Variants in RFX5 observed in about 807,000 individuals in gnomAD.
The protein encoded by RFX5 is DNA-binding protein RFX5.
In RFX5, 30 loss-of-function variants were observed where a neutral mutation model predicts 41.2. The observed-to-expected ratio is 0.73, with a 90% CI of 0.54 to 0.99. RFX5 has a LOEUF of 0.99. Among genes scored for constraint, RFX5 ranks in the 50% least tolerant of loss-of-function variants. The pLI, the probability that RFX5 is intolerant of heterozygous loss-of-function variation, is 0.00. For missense variants in RFX5, 715 were observed against 773.6 expected, an observed-to-expected ratio of 0.92 and a Z score of 0.90; for synonymous variants, 231 against 291.8, an observed-to-expected ratio of 0.79 and a Z score of 2.12.
rs890076448 is a variant in RFX5 at position 151,345,674 on chromosome 1, C to T, written c.150+254G>A. Among the ~76,000 whole-genome samples the T allele has an allele frequency of 3.4e-4, 52 of 151,712 alleles. 1 individual carries two copies. The highest frequency in any genetic ancestry group is 3.5e-3 in the Middle Eastern group (1 of 288). ...TAGGTGCTCTGAGGAGCCCTATAGG[C>T]TACCATGGAGAGGAGGGAAGTAGAG... On this transcript the variant is annotated intron_variant, in intron 4 of 10. Coordinates refer to ENST00000452671, the MANE Select transcript of RFX5 (RefSeq NM_001025603.2).
At position 151,342,527 on chromosome 1, in the gene RFX5, C is replaced by A; in HGVS notation, c.1510G>T (p.Gly504Cys). Residue 504 changes from glycine to cysteine, a missense_variant, in exon 11 of 11, where the codon GGC becomes TGC. Gly to Cys is a radical substitution (Grantham distance 159). Transcript: ENST00000452671. ...GCTGAGTTGCCTTCCCCTCCTGAGC[C>A]CCATGTCTCCCATGGTAACCTTGAG... is the stretch of plus-strand genomic sequence containing the variant. ...QSSRLPWETW[G>C]SGGEGNSAGG... is the part of the protein sequence containing the mutation. 6.2e-7 allele frequency: 1 copy of A among 1,614,104 alleles called. No homozygotes were observed. Among genetic ancestry groups the A allele is most frequent in the Non-Finnish European group, 8.5e-7 (1 of 1,179,978 alleles).
At chr1:151,345,581 C>T (rs34679698) in intron 4 of RFX5, 6,245 of 354,592 alleles carry the variant, frequency 0.018, 381 homozygotes, top group African/African-American at 0.13. Context: ...CACTGCACTC[C>T]AGCCTAGGCG....
intron 5 of RFX5, 47 bp downstream of exon 5, chr1:151,345,057 TTC>T (rs1168589061): frequency 6.3e-7 from 1 of 1,575,640 alleles, no homozygotes; most frequent in Non-Finnish European, 8.7e-7. Context: ...CAGTGAACCT[TTC>T]TCTAAGAATC....
Position 151,344,775 on chromosome 1 carries a change from C to T in RFX5, c.306G>A (p.Glu102=), listed in dbSNP as rs1260635303. Residue 102 remains glutamate, a synonymous_variant, in exon 6 of 11, where the codon GAG becomes GAA. Coordinates refer to ENST00000452671, the MANE Select transcript of RFX5 (RefSeq NM_001025603.2). ...GCTTTGGCAGACAGGTGTCAGTGTG[C>T]TCTTCCAGGTGGTTGCGGATCCACC... ...AYRWIRNHLE[E]HTDTCLPKQS... The T allele has an allele frequency of 4.1e-6, 6 of 1,469,074 alleles. No homozygotes were observed. Among genetic ancestry groups the T allele is most frequent in the Non-Finnish European group, 5.5e-6 (6 of 1,090,804 alleles). The allele number at this position is 1,469,074 out of a possible 1,614,324, so 91.0% of individuals were successfully genotyped here. A position where few individuals can be genotyped will look rare whatever the true frequency, so the allele number is the denominator to read the frequency against.
chr1:151,343,915 C>A, intron 8 of RFX5, 33 bp from the exon 9 acceptor site: 1 of 1,605,486 alleles, frequency 6.2e-7, no homozygotes, highest in South Asian at 1.1e-5. Context: ...CAATCACACT[C>A]CAAATTAAAG....
In RFX5 at chr1:151,342,786, T is replaced by A. The variant is rs370169155; in HGVS notation, c.1251A>T (p.Val417=). 15 of 1,614,064 alleles carry A rather than the reference T, an allele frequency of 9.3e-6. No individual in the cohort carries two copies. The highest frequency in any genetic ancestry group is 1.3e-5 in the Non-Finnish European group (15 of 1,180,000). ...GTGGTCCTTGGTCACCACCTATGCCTACCTCTCTGTTCTCTGTGCCCCGGG... is the reference window on the plus strand; with the variant it reads ...GTGGTCCTTGGTCACCACCTATGCCAACCTCTCTGTTCTCTGTGCCCCGGG... ...TQPRGTENRE[V]GIGGDQGPHD... is the part of the protein sequence containing the mutation. The change falls in exon 11 of 11, where the codon GTA becomes GTT. Residue 417 remains valine (V), a synonymous_variant. Coordinates refer to ENST00000452671, the MANE Select transcript of RFX5 (RefSeq NM_001025603.2).
chr1:151,342,169 T>C lies in RFX5; in HGVS notation c.*17A>G, dbSNP rs539244980. On this transcript the variant is annotated 3_prime_UTR_variant, in exon 11 of 11. Transcript: ENST00000452671. ...AGTTAACGTAGGGATATAAACACTC[T>C]TCCCCACAGACCTGTATCATGGGGG... 2 of 1,614,200 alleles carry C rather than the reference T, an allele frequency of 1.2e-6. No individual in the cohort carries two copies. The highest frequency in any genetic ancestry group is 1.1e-5 in the South Asian group (1 of 91,084).
intron 1 of RFX5, chr1:151,346,924 T>G (rs1187296005): frequency 1.3e-5 from 2 of 152,900 alleles, no homozygotes; most frequent in African/African-American, 2.4e-5. Context: ...CAGCCCATCC[T>G]GAGGCGCGCC....
Position 151,344,273 on chromosome 1 carries a change from CAATAT to C in RFX5, c.474_478del (p.Tyr159LeufsTer19). 6.2e-7 allele frequency: 1 copy of C among 1,614,148 alleles called. No homozygotes were observed. Reference sequence around the variant, plus strand: ...GGTCTTCCTCCTTATGCCACTGTAGCAATATCTGATGCAAGTTAAAGAGCAGCCAA... The same window carrying C: ...GGTCTTCCTCCTTATGCCACTGTAGCCTGATGCAAGTTAAAGAGCAGCCAA... On this transcript the variant is annotated frameshift_variant and splice_region_variant, in exon 8 of 11. Transcript: ENST00000452671. LOFTEE classifies it high-confidence loss of function.
rs141889707 is a variant in RFX5, at chr1:151,342,207, G to C, written c.1830C>G (p.Asp610Glu). 259 of 1,614,150 alleles carry C rather than the reference G, an allele frequency of 1.6e-4. No individual in the cohort carries two copies. The highest frequency in any genetic ancestry group is 2.0e-4 in the Non-Finnish European group (231 of 1,180,020). The change falls in exon 11 of 11, where the codon GAC (aspartate) becomes GAG (glutamate). Residue 610 changes from aspartate (D) to glutamate (E), a missense_variant. By Grantham distance (45) the Asp-to-Glu change is conservative. Transcript: ENST00000452671. ...TGTATCATGGGGGTGTTGCTTTTGG[G>C]TCTTTATGCTCCTGGGATAAGGAAC... The part of the protein sequence containing the change: ...LQSSLSQEHK[D>E]PKATPP
chr1:151,344,083 C>T (rs1222184936), intron 8 of RFX5, 114 bp downstream of exon 8: 2 of 1,187,714 alleles, frequency 1.7e-6, no homozygotes, highest in African/African-American at 3.0e-5. Context: ...GAACATCATA[C>T]CTAGAAGCTA....
chr1:151,345,906 C>T, intron 4 of RFX5, 22 bp downstream of exon 4: 1 of 1,614,086 alleles, frequency 6.2e-7, no homozygotes, highest in Non-Finnish European at 8.5e-7. Flanking sequence ...CCCTCTCTTG[C>T]CCTCTTCCCC....
At chr1:151,344,897 G>T (rs1305396384) in intron 5 of RFX5, 50 bp from the exon 6 acceptor site, 2 of 1,613,954 alleles carry the variant, frequency 1.2e-6, no homozygotes, top group Non-Finnish European at 1.7e-6. Context: ...CAGTTGTCCT[G>T]GTTCTTCCCA....
In RFX5 at chr1:151,340,866, G is replaced by A. The variant is rs1298530699; in HGVS notation, c.*1320C>T. The A allele has an allele frequency of 2.0e-5, 3 of 152,636 alleles. No homozygotes were observed. The highest frequency in any genetic ancestry group is 7.2e-5 in the African/African-American group (3 of 41,438). The allele number at this position is 152,636 out of a possible 1,614,324, so 9.5% of individuals were successfully genotyped here. On this transcript the variant is annotated 3_prime_UTR_variant, in exon 11 of 11. Transcript: ENST00000452671. ...GATTCCCTGACAGAAGCTACCCTATGTAGAGGACAAAGTAGGTCTTCAATA... is the reference window on the plus strand; with the variant it reads ...GATTCCCTGACAGAAGCTACCCTATATAGAGGACAAAGTAGGTCTTCAATA...
At chr1:151,346,764 T>C (rs1651099872) in intron 1 of RFX5, 158 bp from the exon 2 acceptor site, 1 of 202,886 alleles carries the variant, frequency 4.9e-6, no homozygotes, top group Admixed American at 5.4e-5. Context: ...CCATTGCATA[T>C]GCCTGGGAGG....
rs2233851 is a variant in RFX5, at chr1:151,343,848, C to T, written c.590G>A (p.Arg197Gln). Residue 197 changes from arginine to glutamine, a missense_variant, in exon 9 of 11, where the codon CGA becomes CAA. Coordinates refer to ENST00000452671, the MANE Select transcript of RFX5 (RefSeq NM_001025603.2). ...EMGPEVTPAPRDELVEAACAL... is the reference protein window; with the variant it reads ...EMGPEVTPAPQDELVEAACAL... ...ACACGCTGCCTCCACCAGTTCATCTCGAGGTGCTGGGGTTACTTCTGGGCC... is the reference window on the plus strand; with the variant it reads ...ACACGCTGCCTCCACCAGTTCATCTTGAGGTGCTGGGGTTACTTCTGGGCC... 16,270 of 1,614,078 alleles carry T rather than the reference C, an allele frequency of 0.01. 88 individuals are homozygous for T. The highest frequency in any genetic ancestry group is 0.014 in the Middle Eastern group (86 of 5,998).
At chr1:151,343,599 T>C (rs1360966828) in intron 9 of RFX5, 82 bp downstream of exon 9, 1 of 1,496,102 alleles carries the variant, frequency 6.7e-7, no homozygotes, top group East Asian at 2.4e-5. Context: ...AAATCCAAGG[T>C]GTCTCTATTC....
At position 151,346,218 on chromosome 1, in the gene RFX5, G is replaced by A. The variant is rs1363575527; in HGVS notation, c.103C>T (p.Arg35Ter). 2.5e-6 allele frequency: 4 copies of A among 1,613,986 alleles called. No individual in the cohort carries two copies. The highest frequency in any genetic ancestry group is 2.2e-5 in the East Asian group (1 of 44,898). Residue 35 changes from arginine (R) to a stop codon, truncating the protein, a stop_gained, in exon 3 of 11, where the codon CGA becomes TGA. Coordinates refer to ENST00000452671, the MANE Select transcript of RFX5 (RefSeq NM_001025603.2). LOFTEE classifies it high-confidence loss of function. ...GEPTTLLQRL[R>*]GTISKAVQNK... Reference sequence around the variant, plus strand: ...ATGAGTACTTACGAAATGGTACCTCGGAGCCTCTGAAGAAGGGTGGTAGGT... The same window carrying A: ...ATGAGTACTTACGAAATGGTACCTCAGAGCCTCTGAAGAAGGGTGGTAGGT...
Position 151,341,491 on chromosome 1 carries a change from TC to T in RFX5, c.*694del, listed in dbSNP as rs570133232. 2.5e-3 allele frequency: 388 copies of T among 155,374 alleles called. 1 individual carries two copies. Among genetic ancestry groups the T allele is most frequent in the African/African-American group, 7.3e-3 (302 of 41,584 alleles). The allele number at this position is 155,374 out of a possible 1,614,324, so 9.6% of individuals were successfully genotyped here. ...CCCACCCTTTTCCCCAAAGGTGTTG[TC>T]CATGATATAGAATAAGCAAATTAGC... is the stretch of plus-strand genomic sequence containing the variant. On this transcript the variant is annotated 3_prime_UTR_variant, in exon 11 of 11. Transcript: ENST00000452671.
Sources: allele counts gnomAD v4.1 joint callset (sites outside exome capture counted in the v4.1 genomes callset), GRCh38; gene constraint gnomAD v4.1.1; transcripts MANE v1.5; gene names NCBI Gene and HGNC (gene_info 2026-07-23, HGNC 2026-07-21).